ATP9B: variants seen among roughly 807,000 people sequenced by gnomAD.
The protein encoded by ATP9B is probable phospholipid-transporting ATPase IIB.
A neutral mutation model predicts 146.1 loss-of-function variants in ATP9B; 110 were observed. The observed-to-expected ratio is 0.75, with a 90% CI of 0.65 to 0.88. ATP9B has a LOEUF of 0.88. Ranked by LOEUF, ATP9B falls within the 40% of genes least tolerant of loss-of-function variation. The pLI, the probability that ATP9B is intolerant of heterozygous loss-of-function variation, is 0.00. For synonymous variants in ATP9B, 604 were observed against 569.7 expected, an observed-to-expected ratio of 1.06 and a Z score of -0.86; for missense variants, 1,499 against 1,496.4, an observed-to-expected ratio of 1.00 and a Z score of -0.03.
At chr18:79,127,400 G>A (rs1269088413) in intron 5 of ATP9B, among the ~76,000 whole-genome samples, 17 of 151,328 alleles carry the variant, frequency 1.1e-4, no homozygotes, top group Admixed American at 1.1e-3. Context: ...GGCAGCCGCC[G>A]TTCTCCTTTC....
chr18:79,331,726 C>A (rs1046704943), intron 17 of ATP9B, among the ~76,000 whole-genome samples: 2 of 151,400 alleles, frequency 1.3e-5, no homozygotes, highest in Non-Finnish European at 2.9e-5. Context: ...AAAAAAAAAA[C>A]TTTTCAATGA....
chr18:79,114,078 C>G (rs2094020417), intron 4 of ATP9B, among the ~76,000 whole-genome samples: 1 of 152,174 alleles, frequency 6.6e-6, no homozygotes, highest in Admixed American at 6.5e-5. Context: ...GCAAGCAGTT[C>G]TCCTACCTCA....
chr18:79,366,856 G>C (rs1431936169), intron 26 of ATP9B, among the ~76,000 whole-genome samples: 1 of 152,254 alleles, frequency 6.6e-6, no homozygotes, highest in Non-Finnish European at 1.5e-5. Flanking sequence ...AAAAAGTAAG[G>C]AACTGCTGAA....
intron 11 of ATP9B, among the ~76,000 whole-genome samples, chr18:79,246,462 C>G (rs1322268786): frequency 6.6e-6 from 1 of 152,244 alleles, no homozygotes; most frequent in African/African-American, 2.4e-5. Context: ...GGGCATCTTA[C>G]GAGATGCCAG....
chr18:79,365,565 C>G (rs2097021634), intron 26 of ATP9B, among the ~76,000 whole-genome samples: 1 of 152,272 alleles, frequency 6.6e-6, no homozygotes, highest in South Asian at 2.1e-4. Flanking sequence ...ATGTTCACAG[C>G]AGCACTGTCA....
At chr18:79,116,975 A>T (rs1193293777) in intron 4 of ATP9B, among the ~76,000 whole-genome samples, 1 of 151,322 alleles carries the variant, frequency 6.6e-6, no homozygotes, top group Non-Finnish European at 1.5e-5. Context: ...GATTGATCAC[A>T]AAGTCTAAAG....
chr18:79,209,195 G>C (rs1382670049), intron 10 of ATP9B, among the ~76,000 whole-genome samples: 1 of 152,200 alleles, frequency 6.6e-6, no homozygotes, highest in African/African-American at 2.4e-5. Context: ...CAGTGTCCTT[G>C]AGTGCTCGGC....
At chr18:79,107,393 T>A (rs951454524) in intron 2 of ATP9B, among the ~76,000 whole-genome samples, 35 of 152,192 alleles carry the variant, frequency 2.3e-4, no homozygotes, top group African/African-American at 4.8e-5. Context: ...ATGGGGCCGA[T>A]GGATGCTCAT....
rs563008312 is a variant in ATP9B at position 79,137,779 on chromosome 18, C to T, written c.668-6023C>T. 8.5e-5 allele frequency among the ~76,000 whole-genome samples: 13 copies of T among 152,304 alleles called. No individual in the cohort carries two copies. The South Asian group carries it at 2.7e-3, about 32-fold the overall frequency. On this transcript the variant is annotated intron_variant, in intron 5 of 29. Transcript: ENST00000426216. ...TCCAATGCCTCCTTTTCTAGGCGTC[C>T]TCTCCTAACCCTGCAACAGTCACAG...
chr18:79,275,078 C>G (rs949186978), intron 12 of ATP9B, among the ~76,000 whole-genome samples: 12 of 152,212 alleles, frequency 7.9e-5, no homozygotes, highest in African/African-American at 2.9e-4. Context: ...GGCAGGCTGA[C>G]ACTCTTCAAA....
chr18:79,337,560 G>A (rs1208064577), intron 19 of ATP9B, 111 bp downstream of exon 19: 2 of 1,417,372 alleles, frequency 1.4e-6, no homozygotes, highest in African/African-American at 2.9e-5. Context: ...ATGTGAGAGA[G>A]CTCTGTAAGC....
chr18:79,140,697 T>C (rs1162788533), intron 5 of ATP9B, among the ~76,000 whole-genome samples: 1 of 152,082 alleles, frequency 6.6e-6, no homozygotes, highest in Non-Finnish European at 1.5e-5. Flanking sequence ...GGAGAATCAC[T>C]TGAACCCTGG....
chr18:79,377,465 T>C lies in ATP9B; in HGVS notation c.*82T>C. 2 of 1,521,688 alleles carry C rather than the reference T, an allele frequency of 1.3e-6. No individual in the cohort carries two copies. The highest frequency in any genetic ancestry group is 8.9e-7 in the Non-Finnish European group (1 of 1,126,624). The allele number at this position is 1,521,688 out of a possible 1,614,324, so 94.3% of individuals were successfully genotyped here. On this transcript the variant is annotated 3_prime_UTR_variant, in exon 30 of 30. Transcript: ENST00000426216. The stretch of plus-strand genomic sequence containing the variant: ...TGTGCCCTTGCCAGTGAACGCAGGG[T>C]TTGCCATTGCTACCAAGCAAGCACC...
intron 26 of ATP9B, among the ~76,000 whole-genome samples, chr18:79,367,351 G>A (rs1297213486): frequency 2.9e-3 from 316 of 110,420 alleles, no homozygotes; most frequent in East Asian, 8.5e-3. Context: ...CAACCAGAGA[G>A]CACACATATC....
Position 79,207,134 on chromosome 18 carries a change from G to A in ATP9B, c.1030+122G>A, listed in dbSNP as rs184327585. ...GAAATATTTAGGGACCTTGCTAAAC[G>A]CAGACTCCAGCTCAGTGGGTCTGAG... is the stretch of plus-strand genomic sequence containing the variant. On this transcript the variant is annotated intron_variant, in intron 10 of 29. Transcript: ENST00000426216. 9.8e-5 allele frequency: 85 copies of A among 864,106 alleles called. No homozygotes were observed. In the East Asian group the frequency reaches 1.2e-3, roughly 12 times the overall value. 53.5% of individuals were successfully genotyped at this position (864,106 alleles called of 1,614,324 possible).
Position 79,341,058 on chromosome 18 carries a change from G to T in ATP9B, c.2284-1210G>T, listed in dbSNP as rs867973012. ...ACTCACATGCCTCCATATCTCAGCT[G>T]CTGTATCTACACATCACTGTGCTCT... On this transcript the variant is annotated intron_variant, in intron 19 of 29. Coordinates refer to ENST00000426216, the MANE Select transcript of ATP9B (RefSeq NM_198531.5). 3.3e-4 allele frequency among the ~76,000 whole-genome samples: 50 copies of T among 152,260 alleles called. 1 individual carries two copies. Among genetic ancestry groups the T allele is most frequent in the African/African-American group, 1.1e-3 (46 of 41,538 alleles).
chr18:79,141,240 C>T (rs1360335680), intron 5 of ATP9B, among the ~76,000 whole-genome samples: 1 of 152,070 alleles, frequency 6.6e-6, no homozygotes, highest in Non-Finnish European at 1.5e-5. Context: ...ATTGCTGCCA[C>T]CATGTGAAGA....
At chr18:79,230,733 A>G (rs988678926) in intron 11 of ATP9B, among the ~76,000 whole-genome samples, 1 of 152,188 alleles carries the variant, frequency 6.6e-6, no homozygotes, top group Admixed American at 6.5e-5. Context: ...CCTAAAATTC[A>G]TATGGAACCA....
chr18:79,303,574 A>G, intron 13 of ATP9B, 30 bp from the exon 14 acceptor site: 2 of 1,580,242 alleles, frequency 1.3e-6, no homozygotes, highest in Non-Finnish European at 1.7e-6. Flanking sequence ...TCCTGCATTA[A>G]TGTGTTTGCT....
Sources: gnomAD v4.1 joint callset for allele counts (sites outside exome capture counted in the v4.1 genomes callset) on GRCh38, gnomAD v4.1.1 for gene constraint, MANE v1.5 for transcripts, NCBI Gene and HGNC (gene_info 2026-07-23, HGNC 2026-07-21) for gene names.